CENPM: variants seen among roughly 807,000 people sequenced by gnomAD.
The protein encoded by CENPM is interphase centromere complex protein 39.
CENPM carries 14 observed loss-of-function variants against 19.6 expected under a neutral mutation model. The observed-to-expected ratio is 0.71, with a 90% CI of 0.47 to 1.11. The LOEUF (loss-of-function observed/expected upper bound fraction) is 1.11, where lower values mean the gene tolerates loss of function less well. Ranked by LOEUF, CENPM falls within the 50% of genes most tolerant of loss-of-function variation. CENPM has a pLI of 0.00. For synonymous variants in CENPM, 114 were observed against 101.5 expected, an observed-to-expected ratio of 1.12 and a Z score of -0.74; for missense variants, 239 against 228.4, an observed-to-expected ratio of 1.05 and a Z score of -0.30.
chr22:41,938,178 G>A (rs2077692559), downstream of CENPM, among the ~76,000 whole-genome samples: 1 of 133,142 alleles, frequency 7.5e-6, no homozygotes, highest in Non-Finnish European at 1.5e-5. Flanking sequence ...GTCTCGCTCT[G>A]TTGCCCAGGC....
downstream of CENPM, among the ~76,000 whole-genome samples, chr22:41,936,420 GA>G (rs1556180448): frequency 6.6e-6 from 1 of 152,250 alleles, no homozygotes; most frequent in Non-Finnish European, 1.5e-5. Context: ...CTACGTGGCT[GA>G]AGTCCTCAGC....
At chr22:41,946,035 A>C in intron 2 of CENPM, 30 bp from the exon 3 acceptor site, 1 of 1,568,928 alleles carries the variant, frequency 6.4e-7, no homozygotes, top group Middle Eastern at 1.7e-4. Flanking sequence ...AGGACTCAAG[A>C]TATCCGTACC....
In CENPM at chr22:41,939,077, G is replaced by T; in HGVS notation, c.522C>A (p.Gly174=). 1 of 1,613,016 alleles carries T rather than the reference G, an allele frequency of 6.2e-7. No homozygotes were observed. The highest frequency in any genetic ancestry group is 8.5e-7 in the Non-Finnish European group (1 of 1,179,962). Residue 174 remains glycine, a synonymous_variant, in exon 6 of 6, where the codon GGC becomes GGA. Coordinates refer to ENST00000215980, the MANE Select transcript of CENPM (RefSeq NM_024053.5). ...NLLSLLRSSE[G]PSLEDL The stretch of plus-strand genomic sequence containing the variant: ...ACCCTCACAGGTCCTCCAGGGAGGG[G>T]CCCTCAGAGCTTCTCAGCAGGGACA...
intron 4 of CENPM, 60 bp downstream of exon 4, chr22:41,945,165 C>T (rs370697996): frequency 8.3e-5 from 133 of 1,610,988 alleles, no homozygotes; most frequent in South Asian, 1.9e-4. Flanking sequence ...AAGAAGCCTA[C>T]GGCCGCCCCA....
At chr22:41,929,935 CTTTTTTTTTTTTT>C in the CENPM span, among the ~76,000 whole-genome samples, 1 of 97,656 alleles carries the variant, frequency 1.0e-5, no homozygotes, top group Admixed American at 1.0e-4. Flanking sequence ...TTCCCCGTGG[CTTTTTTTTTTTTT>C]TTTTTTTTTT....
intron 1 of CENPM, 141 bp from the exon 2 acceptor site, chr22:41,946,637 G>A (rs2077807489): frequency 2.9e-6 from 2 of 695,342 alleles, no homozygotes. Flanking sequence ...AGTGGACCCC[G>A]CGAAGCGGCA....
chr22:41,929,986 C>T, the CENPM span, among the ~76,000 whole-genome samples: 4 of 142,104 alleles, frequency 2.8e-5, no homozygotes, highest in South Asian at 2.2e-4. Context: ...CTCTGTCGCC[C>T]AGGCTGGAGT....
downstream of CENPM, among the ~76,000 whole-genome samples, chr22:41,934,693 C>T (rs1432645957): frequency 1.3e-5 from 2 of 152,218 alleles, no homozygotes; most frequent in Non-Finnish European, 2.9e-5. Context: ...ATAGTGGCTT[C>T]TTCATTGCCA....
intron 1 of CENPM, chr22:41,946,719 C>T: frequency 3.4e-6 from 2 of 595,332 alleles, no homozygotes; most frequent in Admixed American, 3.0e-5. Context: ...CCGACCCTCG[C>T]TCCCACCGCC....
intron 5 of CENPM, among the ~76,000 whole-genome samples, chr22:41,939,830 G>GAAAGAAAGAAAAAGAAAGAAAGAAAGAA: frequency 4.7e-5 from 1 of 21,432 alleles, no homozygotes; most frequent in Non-Finnish European, 7.6e-5. Context: ...AAGAAAGAAA[G>GAAAGAAAGAAAAAGAAAGAAAGAAAGAA]AAAGAAAGAA....
Position 41,947,113 on chromosome 22 carries a change from C to T in CENPM, c.-37G>A. 2 of 1,607,266 alleles carry T rather than the reference C, an allele frequency of 1.2e-6. No individual in the cohort carries two copies. The highest frequency in any genetic ancestry group is 2.2e-5 in the East Asian group (1 of 44,726). ...GACCAACCGTTGCTCCTGCGGTGCGCGCCGATCTTTCAAACCGCCCTGAGT... is the reference window on the plus strand; with the variant it reads ...GACCAACCGTTGCTCCTGCGGTGCGTGCCGATCTTTCAAACCGCCCTGAGT... On this transcript the variant is annotated 5_prime_UTR_variant, in exon 1 of 6. Coordinates refer to ENST00000215980, the MANE Select transcript of CENPM (RefSeq NM_024053.5).
the CENPM span, among the ~76,000 whole-genome samples, chr22:41,927,264 C>A: frequency 6.6e-6 from 1 of 152,160 alleles, no homozygotes; most frequent in Non-Finnish European, 1.5e-5. Flanking sequence ...GCCCCTCAAC[C>A]AGCACCGCCT....
chr22:41,939,792 G>A (rs1466615986), intron 5 of CENPM, among the ~76,000 whole-genome samples: 3 of 105,246 alleles, frequency 2.9e-5, no homozygotes, highest in African/African-American at 1.2e-4. Flanking sequence ...GAAAGAAAAA[G>A]AAAGAAAAAG....
At chr22:41,936,728 A>C (rs2077685500), downstream of CENPM, among the ~76,000 whole-genome samples, 1 of 152,220 alleles carries the variant, frequency 6.6e-6, no homozygotes, top group Non-Finnish European at 1.5e-5. Context: ...CAGGAGTTTG[A>C]GACCAGCCTG....
At chr22:41,943,773 G>T in intron 4 of CENPM, 72 bp from the exon 5 acceptor site, 2 of 1,370,210 alleles carry the variant, frequency 1.5e-6, no homozygotes, top group Non-Finnish European at 1.0e-6. Flanking sequence ...GTGCTGGGCA[G>T]AGTCACTCAC....
chr22:41,945,149 C>A, intron 4 of CENPM, 76 bp downstream of exon 4: 1 of 1,606,518 alleles, frequency 6.2e-7, no homozygotes, highest in Non-Finnish European at 8.5e-7. Context: ...CCCAGGGTGC[C>A]TCAGCAAGAA....
At chr22:41,938,112 A>T (rs1475770439), downstream of CENPM, among the ~76,000 whole-genome samples, 1 of 147,480 alleles carries the variant, frequency 6.8e-6, no homozygotes, top group Non-Finnish European at 1.5e-5. Context: ...AAAGTGCTGG[A>T]ATTATAGGTG....
At chr22:41,945,446 AAT>A in intron 3 of CENPM, 142 bp from the exon 4 acceptor site, 4 of 1,332,966 alleles carry the variant, frequency 3.0e-6, no homozygotes, top group Middle Eastern at 2.4e-4. Context: ...TTTGTCCTTT[AAT>A]TTTTTTTTTT....
Position 41,943,715 on chromosome 22 carries a change from A to G in CENPM, c.311-14T>C. 6.2e-7 allele frequency: 1 copy of G among 1,611,332 alleles called. No individual in the cohort carries two copies. Among genetic ancestry groups the G allele is most frequent in the Non-Finnish European group, 8.5e-7 (1 of 1,178,174 alleles). On this transcript the variant is annotated splice_polypyrimidine_tract_variant and intron_variant, in intron 4 of 5. Transcript: ENST00000215980. ...TCTCCCGCCCAGCTGGAAAGAAGCC[A>G]TGAGTGCTATAGCTGCAATCTCTAC...
Sources: allele counts gnomAD v4.1 joint callset (sites outside exome capture counted in the v4.1 genomes callset), GRCh38; gene constraint gnomAD v4.1.1; transcripts MANE v1.5; gene names NCBI Gene and HGNC (gene_info 2026-07-23, HGNC 2026-07-21).